The following ERBB4 variants were observed in gnomAD, a reference collection of about 807,000 sequenced individuals.
ERBB4 encodes erb-b2 receptor tyrosine kinase 4.
In ERBB4, 42 loss-of-function variants were observed where a neutral mutation model predicts 158.0. The observed-to-expected ratio is 0.27, with a 90% CI of 0.21 to 0.34. The LOEUF (loss-of-function observed/expected upper bound fraction) is 0.34. Among genes scored for constraint, ERBB4 ranks in the 10% least tolerant of loss-of-function variants. ERBB4 has a pLI of 1.00. For missense variants in ERBB4, 1,333 were observed against 1,624.1 expected, an observed-to-expected ratio of 0.82 and a Z score of 3.08; for synonymous variants, 583 against 558.7, an observed-to-expected ratio of 1.04 and a Z score of -0.61.
In ERBB4 at chr2:212,327,837, TTATATG is replaced by T. The variant is rs1433756595; in HGVS notation, c.83-202940_83-202935del. On this transcript the variant is annotated intron_variant, in intron 1 of 27. Coordinates refer to ENST00000342788, the MANE Select transcript of ERBB4 (RefSeq NM_005235.3). Reference sequence around the variant, plus strand: ...ATTGTACACTTAAAAAGCATAGATTTTATATGTAAAGTATTCCTCCAAAAAGTTATT... The same window carrying T: ...ATTGTACACTTAAAAAGCATAGATTTTAAAGTATTCCTCCAAAAAGTTATT... 2.2e-5 allele frequency among the ~76,000 whole-genome samples: 3 copies of T among 138,362 alleles called. No individual in the cohort carries two copies. The East Asian group carries it at 6.2e-4, about 29-fold the overall frequency. 90.8% of individuals were successfully genotyped at this position (138,362 alleles called of 152,430 possible). A position where few individuals can be genotyped will look rare whatever the true frequency, so the allele number is the denominator to read the frequency against.
intron 20 of ERBB4, among the ~76,000 whole-genome samples, chr2:211,495,104 CA>C (rs949354853): frequency 1.6e-4 from 24 of 150,770 alleles, no homozygotes; most frequent in African/African-American, 3.6e-4. Context: ...GAAAAAGTAG[CA>C]AAAAAAAGTA....
chr2:211,783,626 C>T (rs537215976), intron 4 of ERBB4, among the ~76,000 whole-genome samples: 3 of 152,156 alleles, frequency 2.0e-5, no homozygotes, highest in Non-Finnish European at 4.4e-5. Context: ...TTGAGATAAT[C>T]ACGTGGTTTT....
chr2:212,256,003 T>A (rs1220872624), intron 1 of ERBB4, among the ~76,000 whole-genome samples: 56 of 131,678 alleles, frequency 4.3e-4, no homozygotes, highest in African/African-American at 1.4e-3. Flanking sequence ...ATTTATTTAT[T>A]TTTTTTTTAC....
At chr2:211,486,108 T>C (rs575630166) in intron 20 of ERBB4, among the ~76,000 whole-genome samples, 1 of 152,260 alleles carries the variant, frequency 6.6e-6, no homozygotes, top group African/African-American at 2.4e-5. Flanking sequence ...AAGCATACTA[T>C]ATAATTAACT....
intron 16 of ERBB4, among the ~76,000 whole-genome samples, chr2:211,643,357 C>T (rs537945956): frequency 7.2e-5 from 11 of 152,108 alleles, no homozygotes; most frequent in Middle Eastern, 3.4e-3. Context: ...AAATGATATA[C>T]GTTCTGGTCC....
intron 1 of ERBB4, among the ~76,000 whole-genome samples, chr2:212,481,409 A>C (rs772141372): frequency 9.2e-5 from 14 of 152,164 alleles, no homozygotes; most frequent in Non-Finnish European, 1.9e-4. Context: ...TCTAAACAGA[A>C]AGCACAAAGA....
intron 2 of ERBB4, among the ~76,000 whole-genome samples, chr2:212,097,449 G>T (rs1172005772): frequency 6.6e-6 from 1 of 152,190 alleles, no homozygotes; most frequent in Non-Finnish European, 1.5e-5. Flanking sequence ...CTAAATGGTG[G>T]CAGATAGTTT....
intron 16 of ERBB4, among the ~76,000 whole-genome samples, chr2:211,638,359 G>T (rs1034315772): frequency 2.6e-5 from 4 of 152,062 alleles, no homozygotes; most frequent in African/African-American, 4.8e-5. Flanking sequence ...TACTGCCTGG[G>T]GCAAGGAGAG....
chr2:211,716,748 T>G (rs565032178), intron 7 of ERBB4, among the ~76,000 whole-genome samples: 118 of 152,276 alleles, frequency 7.7e-4, no homozygotes, highest in African/African-American at 2.7e-3. Flanking sequence ...CTTAATGTCC[T>G]TGTTTTCCCA....
chr2:212,111,278 G>A (rs962899751), intron 2 of ERBB4, among the ~76,000 whole-genome samples: 3 of 152,134 alleles, frequency 2.0e-5, no homozygotes, highest in Non-Finnish European at 2.9e-5. Flanking sequence ...GCCTTCAACT[G>A]CCACTCCAAA....
chr2:212,015,109 T>C (rs966661435), intron 2 of ERBB4, among the ~76,000 whole-genome samples: 5 of 89,382 alleles, frequency 5.6e-5, no homozygotes. Context: ...TATATATATA[T>C]ATAAAAATTA....
At chr2:211,831,895 C>G (rs1030969855) in intron 3 of ERBB4, among the ~76,000 whole-genome samples, 28 of 144,182 alleles carry the variant, frequency 1.9e-4, no homozygotes, top group Admixed American at 5.9e-4. Flanking sequence ...AACAGCGAGA[C>G]TCTGTCTCAA....
At chr2:211,689,659 T>C (rs2072717698) in intron 12 of ERBB4, among the ~76,000 whole-genome samples, 1 of 152,200 alleles carries the variant, frequency 6.6e-6, no homozygotes, top group Non-Finnish European at 1.5e-5. Context: ...GACAAAGTTA[T>C]AAAAGTAGCA....
chr2:211,841,967 A>T (rs1386769331), intron 3 of ERBB4, among the ~76,000 whole-genome samples: 1 of 151,838 alleles, frequency 6.6e-6, no homozygotes, highest in Non-Finnish European at 1.5e-5. Context: ...TGTTTCAATA[A>T]TTTTTTTTCA....
intron 1 of ERBB4, among the ~76,000 whole-genome samples, chr2:212,482,278 G>A (rs1689743623): frequency 6.6e-6 from 1 of 152,118 alleles, no homozygotes; most frequent in Non-Finnish European, 1.5e-5. Flanking sequence ...GTTAAAGTCT[G>A]CAGAAATAAA....
chr2:212,257,146 A>G (rs180807211), intron 1 of ERBB4, among the ~76,000 whole-genome samples: 106 of 152,292 alleles, frequency 7.0e-4, no homozygotes, highest in African/African-American at 2.4e-3. Flanking sequence ...AAGTGAGGAC[A>G]TGCAATATTT....
intron 25 of ERBB4, among the ~76,000 whole-genome samples, chr2:211,417,473 CA>C (rs931514399): frequency 6.6e-6 from 1 of 151,396 alleles, no homozygotes; most frequent in African/African-American, 2.4e-5. Flanking sequence ...GATCCTGTCT[CA>C]AAAAAGAAAA....
In ERBB4 at chr2:211,424,262, G is replaced by A. The variant is rs2125412108; in HGVS notation, c.2759C>T (p.Pro920Leu). The A allele has an allele frequency of 3.1e-6, 5 of 1,612,976 alleles. No individual in the cohort carries two copies. The highest frequency in any genetic ancestry group is 4.2e-6 in the Non-Finnish European group (5 of 1,179,386). ...TTCTCGCGTTGGAATTCCATCATAGGGTTTTCCTCCAAAGGTCATCAGTTC... is the reference window on the plus strand; with the variant it reads ...TTCTCGCGTTGGAATTCCATCATAGAGTTTTCCTCCAAAGGTCATCAGTTC... ...IWELMTFGGK[P>L]YDGIPTREIP... Residue 920 changes from proline to leucine, a missense_variant, in exon 23 of 28, where the codon CCC becomes CTC. Pro to Leu is a moderately conservative substitution (Grantham distance 98). Transcript: ENST00000342788.
intron 1 of ERBB4, among the ~76,000 whole-genome samples, chr2:212,126,345 A>T (rs1250838299): frequency 6.6e-6 from 1 of 151,470 alleles, no homozygotes; most frequent in African/African-American, 2.4e-5. Flanking sequence ...CTGTAATCCC[A>T]GCTACTCGGG....
Sources: allele counts gnomAD v4.1 joint callset (sites outside exome capture counted in the v4.1 genomes callset), GRCh38; gene constraint gnomAD v4.1.1; transcripts MANE v1.5; gene names NCBI Gene and HGNC (gene_info 2026-07-23, HGNC 2026-07-21).